Variants in RBL1 observed in about 807,000 individuals in gnomAD.
RBL1 encodes RB transcriptional corepressor like 1, also known as retinoblastoma-like protein 1.
Under a neutral mutation model 123.0 loss-of-function variants are expected in RBL1, and 82 were observed. That is an observed-to-expected ratio of 0.67 (90% CI 0.56 to 0.80). The LOEUF (loss-of-function observed/expected upper bound fraction) is 0.80. Ranked by LOEUF, RBL1 falls within the 30% of genes least tolerant of loss-of-function variation. The probability of loss-of-function intolerance (pLI) is 0.00; values close to 1 mark genes in which losing one functional copy is unlikely to be tolerated. For missense variants in RBL1, 1,171 were observed against 1,299.6 expected, an observed-to-expected ratio of 0.90 and a Z score of 1.52; for synonymous variants, 405 against 441.3, an observed-to-expected ratio of 0.92 and a Z score of 1.03.
chr20:37,051,830 G>A (rs1164904617), intron 11 of RBL1, among the ~76,000 whole-genome samples: 1 of 150,702 alleles, frequency 6.6e-6, no homozygotes, highest in Non-Finnish European at 1.5e-5. Context: ...ACAGAGATTA[G>A]CACAGATTAG....
rs942600625 is a variant in RBL1 at position 36,997,365 on chromosome 20, A to G, written c.*1394T>C. The G allele has an allele frequency of 2.6e-5, 4 of 152,126 alleles. No individual in the cohort carries two copies. The highest frequency in any genetic ancestry group is 4.8e-5 in the African/African-American group (2 of 41,418). The allele number at this position is 152,126 out of a possible 1,614,324, so 9.4% of individuals were successfully genotyped here. A position where few individuals can be genotyped will look rare whatever the true frequency, so the allele number is the denominator to read the frequency against. ...TGAAAAAAGCATCCCTAATACTGAA[A>G]AGCATCCCTAGTACTAAAAAACATC... is the stretch of plus-strand genomic sequence containing the variant. On this transcript the variant is annotated 3_prime_UTR_variant, in exon 22 of 22. Transcript: ENST00000373664.
intron 19 of RBL1, among the ~76,000 whole-genome samples, chr20:37,011,587 A>C (rs980761816): frequency 2.6e-5 from 4 of 151,808 alleles, no homozygotes; most frequent in Non-Finnish European, 5.9e-5. Context: ...AGTGCTTACC[A>C]CCATGCCTGG....
rs747182391 is a variant in RBL1, at chr20:37,068,188, T to TA, written c.291-3dup. ...ATTTTACTAAAAAATTGTATTAAAC[T>TA]AAAAAAAAAAAGGAGGAGAAAAAAG... On this transcript the variant is annotated splice_polypyrimidine_tract_variant and splice_region_variant and intron_variant, in intron 2 of 21. Transcript: ENST00000373664. 6,181 of 1,110,460 alleles carry TA rather than the reference T, an allele frequency of 5.6e-3. No homozygotes were observed. Among genetic ancestry groups the TA allele is most frequent in the South Asian group, 8.1e-3 (483 of 59,892 alleles). The allele number at this position is 1,110,460 out of a possible 1,614,324, so 68.8% of individuals were successfully genotyped here.
intron 7 of RBL1, among the ~76,000 whole-genome samples, chr20:37,065,034 C>T (rs993861949): frequency 6.6e-5 from 10 of 150,812 alleles, no homozygotes; most frequent in East Asian, 3.9e-4. Context: ...CAGATTCAAA[C>T]GATCCTCCAA....
At chr20:37,055,420 TCAACTAAATGC>T (rs2064986932) in intron 11 of RBL1, 122 bp downstream of exon 11, 9 of 1,377,344 alleles carry the variant, frequency 6.5e-6, no homozygotes, top group African/African-American at 2.9e-5. Context: ...TGTGCTAAAG[TCAACTAAATGC>T]CATCCTGGCC....
intron 21 of RBL1, among the ~76,000 whole-genome samples, chr20:37,002,913 G>A (rs368149110): frequency 1.1e-4 from 16 of 151,422 alleles, no homozygotes; most frequent in East Asian, 3.9e-4. Context: ...TAGTAAAGAC[G>A]GGGTTTCACC....
At chr20:37,044,310 TG>T (rs2064781873) in intron 12 of RBL1, 60 bp from the exon 13 acceptor site, 1 of 1,509,566 alleles carries the variant, frequency 6.6e-7, no homozygotes, top group Non-Finnish European at 9.1e-7. Flanking sequence ...AGTCTGGACT[TG>T]CATGTAGGAC....
At chr20:37,006,220 GAC>G (rs1277893864) in intron 20 of RBL1, among the ~76,000 whole-genome samples, 1 of 141,714 alleles carries the variant, frequency 7.1e-6, no homozygotes, top group Admixed American at 7.3e-5. Context: ...TTTTTTTTGA[GAC>G]AGAGTTTCCC....
In RBL1 at chr20:36,998,660, G is replaced by A. The variant is rs1377327759; in HGVS notation, c.*99C>T. On this transcript the variant is annotated 3_prime_UTR_variant, in exon 22 of 22. Coordinates refer to ENST00000373664, the MANE Select transcript of RBL1 (RefSeq NM_002895.5). ...GTGCAATTTTTTCTTATAACCCAGT[G>A]ATATTTATCATCTATAGGGCTAAAA... 1.9e-5 allele frequency: 20 copies of A among 1,070,566 alleles called. No individual in the cohort carries two copies. Among genetic ancestry groups the A allele is most frequent in the Admixed American group, 3.1e-5 (1 of 32,142 alleles). 66.3% of individuals were successfully genotyped at this position (1,070,566 alleles called of 1,614,324 possible). A position where few individuals can be genotyped will look rare whatever the true frequency, so the allele number is the denominator to read the frequency against.
Position 37,062,241 on chromosome 20 carries a change from T to C in RBL1, c.926A>G (p.Tyr309Cys), listed in dbSNP as rs750550209. 4 of 1,614,070 alleles carry C rather than the reference T, an allele frequency of 2.5e-6. No individual in the cohort carries two copies. The African/African-American group carries it at 4.0e-5, about 16-fold the overall frequency. ...ATCAAAATCACCAACAGTTAGAACATACTCTTCATACTCCTTATTCACTGC... is the reference window on the plus strand; with the variant it reads ...ATCAAAATCACCAACAGTTAGAACACACTCTTCATACTCCTTATTCACTGC... Reference protein sequence around the residue: ...SKAVNKEYEEYVLTVGDFDER... With the variant: ...SKAVNKEYEECVLTVGDFDER... Residue 309 changes from tyrosine (Y) to cysteine (C), a missense_variant, in exon 8 of 22, where the codon TAT becomes TGT. Tyr to Cys is a radical substitution (Grantham distance 194). Transcript: ENST00000373664.
At chr20:37,033,185 ATTT>A (rs1157688842) in intron 15 of RBL1, among the ~76,000 whole-genome samples, 2 of 123,278 alleles carry the variant, frequency 1.6e-5, no homozygotes, top group Non-Finnish European at 1.7e-5. Context: ...TGCCTGGTAA[ATTT>A]TTTTTTTTTT....
intron 19 of RBL1, among the ~76,000 whole-genome samples, chr20:37,014,333 C>T (rs1307441203): frequency 3.3e-5 from 5 of 151,008 alleles, no homozygotes; most frequent in Admixed American, 6.6e-5. Context: ...CCTGGCTTGG[C>T]CTCCCAAAGT....
At chr20:37,004,961 G>A (rs545299572) in intron 20 of RBL1, among the ~76,000 whole-genome samples, 21 of 151,946 alleles carry the variant, frequency 1.4e-4, no homozygotes, top group African/African-American at 4.6e-4. Flanking sequence ...ACAGTTGTTT[G>A]AACCCGGGGA....
intron 1 of RBL1, among the ~76,000 whole-genome samples, chr20:37,094,004 AAG>A (rs2065689842): frequency 6.6e-6 from 1 of 152,182 alleles, no homozygotes; most frequent in Non-Finnish European, 1.5e-5. Context: ...GCAAACATTG[AAG>A]ATGTCCTATT....
intron 10 of RBL1, among the ~76,000 whole-genome samples, chr20:37,055,913 G>A (rs1242600797): frequency 1.3e-5 from 2 of 152,022 alleles, no homozygotes; most frequent in South Asian, 2.1e-4. Flanking sequence ...CCGGTGTGGT[G>A]GTGGGTCCCT....
chr20:36,999,017 C>G (rs2063921429), intron 21 of RBL1, 88 bp from the exon 22 acceptor site: 1 of 1,237,210 alleles, frequency 8.1e-7, no homozygotes. Flanking sequence ...TTCCTGTGCT[C>G]TATCCTCTAT....
At chr20:36,999,663 C>G (rs899398491) in intron 21 of RBL1, among the ~76,000 whole-genome samples, 1 of 152,150 alleles carries the variant, frequency 6.6e-6, no homozygotes, top group Non-Finnish European at 1.5e-5. Context: ...GACTGGTTTT[C>G]GTATTTTTTT....
At chr20:37,058,575 T>C (rs2065049632) in intron 9 of RBL1, among the ~76,000 whole-genome samples, 1 of 152,022 alleles carries the variant, frequency 6.6e-6, no homozygotes, top group Admixed American at 6.6e-5. Context: ...TTGTTTTGTT[T>C]TTTTGTTTTT....
At chr20:37,040,308 G>C in intron 13 of RBL1, 23 bp from the exon 14 acceptor site, 1 of 1,605,870 alleles carries the variant, frequency 6.2e-7, no homozygotes, top group Non-Finnish European at 8.5e-7. Flanking sequence ...AAAACCCTTT[G>C]ATTTACATAT....
Sources: gnomAD v4.1 joint callset for allele counts (sites outside exome capture counted in the v4.1 genomes callset) on GRCh38, gnomAD v4.1.1 for gene constraint, MANE v1.5 for transcripts, NCBI Gene and HGNC (gene_info 2026-07-23, HGNC 2026-07-21) for gene names.